GRIN2D: variants seen among roughly 807,000 people sequenced by gnomAD.
GRIN2D encodes the protein glutamate receptor ionotropic, NMDA 2D.
GRIN2D carries 37 observed loss-of-function variants against 103.2 expected under a neutral mutation model. That is an observed-to-expected ratio of 0.36 (90% confidence interval 0.28 to 0.47). The LOEUF is 0.47. GRIN2D is among the 20% of genes least tolerant of loss of function. GRIN2D has a pLI of 1.00. For missense variants in GRIN2D, 1,557 were observed against 1,910.6 expected (o/e 0.81, Z 3.45); for synonymous variants, 845 against 885.6 (o/e 0.95, Z 0.81).
chr19:48,415,995 A>C lies in GRIN2D; in HGVS notation c.1582-7A>C. 1 of 1,608,506 alleles carries C rather than the reference A, an allele frequency of 6.2e-7. No individual in the cohort carries two copies. The highest frequency in any genetic ancestry group is 8.5e-7 in the Non-Finnish European group (1 of 1,177,682). On this transcript the variant is annotated splice_polypyrimidine_tract_variant and splice_region_variant and intron_variant, in intron 7 of 13. Transcript: ENST00000263269. ...CCCCCGCCCACTCCTCATCGCCCCC[A>C]CCCCAGGTGTTCTACCAGCGCGCAG... is the stretch of plus-strand genomic sequence containing the variant.
intron 4 of GRIN2D, among the ~76,000 whole-genome samples, chr19:48,406,985 C>CTT (rs11372604): frequency 0.02 from 2,879 of 144,532 alleles, 104 homozygotes; most frequent in African/African-American, 0.065. Flanking sequence ...TTTCCTTTTT[C>CTT]TTTTTTTTTT....
Position 48,442,697 on chromosome 19 carries a change from G to C in GRIN2D, c.2771G>C (p.Arg924Pro). 3.4e-6 allele frequency: 4 copies of C among 1,172,950 alleles called. No individual in the cohort carries two copies. Among genetic ancestry groups the C allele is most frequent in the Non-Finnish European group, 4.2e-6 (4 of 952,594 alleles). The allele number at this position is 1,172,950 out of a possible 1,614,324, so 72.7% of individuals were successfully genotyped here. The part of the protein sequence containing the change: ...PLPSPAYPAP[R>P]PAPGPAPFVP... The stretch of plus-strand genomic sequence containing the variant: ...CCCAGCCCCGCGTACCCCGCGCCGC[G>C]GCCGGCTCCCGGGCCCGCACCTTTC... Residue 924 changes from arginine (R) to proline (P), a missense_variant, in exon 14 of 14, where the codon CGG becomes CCG. Arg to Pro is a moderately radical substitution (Grantham distance 103). This residue lies in a region of GRIN2D where 632 missense variants were observed against 572.8 expected (regional missense o/e 1.10). Coordinates refer to ENST00000263269, the MANE Select transcript of GRIN2D (RefSeq NM_000836.4). This position sits in a 1 kb window ranked among gnomAD's most constrained non-coding sequence, Gnocchi z 7.2.
chr19:48,401,591 G>C (rs1970711186), intron 3 of GRIN2D, among the ~76,000 whole-genome samples: 1 of 152,186 alleles, frequency 6.6e-6, no homozygotes, highest in African/African-American at 2.4e-5. Context: ...AGTGTGGCTG[G>C]AGCCCACTGG....
rs1321805855 is a variant in GRIN2D at position 48,404,948 on chromosome 19, C to T, written c.680C>T (p.Ala227Val). ...HRGALTLDPGAGEAVLSAQLR... is the reference protein window; with the variant it reads ...HRGALTLDPGVGEAVLSAQLR... ...GGAGCGCTGACGCTGGACCCTGGGGCGGGCGAGGCCGTGCTCAGTGCCCAG... is the reference window on the plus strand; with the variant it reads ...GGAGCGCTGACGCTGGACCCTGGGGTGGGCGAGGCCGTGCTCAGTGCCCAG... The change falls in exon 4 of 14, where the codon GCG becomes GTG. Residue 227 changes from alanine (A) to valine (V), a missense_variant. Coordinates refer to ENST00000263269, the MANE Select transcript of GRIN2D (RefSeq NM_000836.4). 1.9e-6 allele frequency: 3 copies of T among 1,612,290 alleles called. No homozygotes were observed. The highest frequency in any genetic ancestry group is 1.7e-6 in the Non-Finnish European group (2 of 1,179,496).
rs1303988486 is a variant in GRIN2D, at chr19:48,398,495, C to T, written c.103C>T (p.Pro35Ser). 7.9e-6 allele frequency: 8 copies of T among 1,012,400 alleles called. No individual in the cohort carries two copies. The East Asian group carries it at 3.9e-4, about 49-fold the overall frequency. The allele number at this position is 1,012,400 out of a possible 1,614,324, so 62.7% of individuals were successfully genotyped here. ...CCCGTTCCCGGAGGAGGCGCCGGGG[C>T]CGGGCGGGGCCGGTGGGCCCGGCGG... ...ASPFPEEAPG[P>S]GGAGGPGGGL... The change falls in exon 3 of 14, where the codon CCG becomes TCG. Residue 35 changes from proline (P) to serine (S), a missense_variant. By Grantham distance (74) the Pro-to-Ser change is moderately conservative. This residue lies in a region of GRIN2D where 490 missense variants were observed against 601.1 expected (regional missense o/e 0.82). Transcript: ENST00000263269.
At chr19:48,430,012 G>C (rs1456699893) in intron 11 of GRIN2D, among the ~76,000 whole-genome samples, 1 of 151,754 alleles carries the variant, frequency 6.6e-6, no homozygotes, top group Non-Finnish European at 1.5e-5. Context: ...TCAATTTTAG[G>C]CATTTTTCCA....
rs1301676777 is a variant in GRIN2D at position 48,442,103 on chromosome 19, C to T, written c.2441-47C>T. On this transcript the variant is annotated intron_variant, in intron 12 of 13. Transcript: ENST00000263269. The surrounding 1 kb of genome is among the most constrained non-coding windows in gnomAD (Gnocchi z 7.2). ...ACATTCCCACATCACAGACAAGGGT[C>T]CTCAGAGGGTACTCATAGCAGGTGA... 2 of 1,566,598 alleles carry T rather than the reference C, an allele frequency of 1.3e-6. No homozygotes were observed. Among genetic ancestry groups the T allele is most frequent in the Admixed American group, 3.3e-5 (2 of 59,896 alleles).
chr19:48,425,653 C>T (rs186063941), intron 11 of GRIN2D, among the ~76,000 whole-genome samples: 98 of 152,276 alleles, frequency 6.4e-4, no homozygotes, highest in Non-Finnish European at 1.3e-4. Flanking sequence ...AATCTGTCCC[C>T]GCCTTGAGTT....
At chr19:48,401,371 A>G (rs975094343) in intron 3 of GRIN2D, among the ~76,000 whole-genome samples, 7 of 152,198 alleles carry the variant, frequency 4.6e-5, no homozygotes, top group African/African-American at 1.7e-4. Context: ...GAGGAAATCA[A>G]CACAGGATGT....
intron 4 of GRIN2D, among the ~76,000 whole-genome samples, chr19:48,407,945 C>T (rs1487505001): frequency 2.6e-5 from 4 of 152,040 alleles, no homozygotes; most frequent in African/African-American, 9.7e-5. Context: ...CTCAGCATTT[C>T]GGGAGGCTGA....
At chr19:48,396,236 C>T (rs912871361) in intron 2 of GRIN2D, among the ~76,000 whole-genome samples, 1 of 151,824 alleles carries the variant, frequency 6.6e-6, no homozygotes, top group Non-Finnish European at 1.5e-5. Context: ...GGCGTGGGTT[C>T]TGGGGGTTGG....
At chr19:48,429,048 C>T (rs536414913) in intron 11 of GRIN2D, among the ~76,000 whole-genome samples, 1 of 152,314 alleles carries the variant, frequency 6.6e-6, no homozygotes, top group Admixed American at 6.5e-5. Context: ...CTTCATGATT[C>T]ACAAAGGACA....
intron 11 of GRIN2D, among the ~76,000 whole-genome samples, chr19:48,433,556 G>A (rs1034842250): frequency 2.6e-5 from 4 of 152,094 alleles, no homozygotes; most frequent in African/African-American, 4.8e-5. Context: ...TACCGCTTCC[G>A]GCAAGTAACC....
At chr19:48,420,377 G>T (rs906033714) in intron 10 of GRIN2D, among the ~76,000 whole-genome samples, 3 of 150,768 alleles carry the variant, frequency 2.0e-5, no homozygotes, top group African/African-American at 7.3e-5. Flanking sequence ...GCAGTGAGCC[G>T]AGATCGCCCC....
At chr19:48,412,726 T>C (rs1600977205) in intron 4 of GRIN2D, among the ~76,000 whole-genome samples, 1 of 146,828 alleles carries the variant, frequency 6.8e-6, no homozygotes, top group African/African-American at 2.5e-5. Flanking sequence ...GAGGCGGAGG[T>C]TGCAGTGAGC....
intron 3 of GRIN2D, 96 bp from the exon 4 acceptor site, chr19:48,404,638 C>G (rs1970760157): frequency 4.0e-6 from 5 of 1,241,266 alleles, no homozygotes; most frequent in Admixed American, 4.8e-5. Context: ...CCTGTCGAGT[C>G]AGTCTGCCAT....
At chr19:48,410,571 C>T (rs115491179) in intron 4 of GRIN2D, among the ~76,000 whole-genome samples, 2,068 of 135,400 alleles carry the variant, frequency 0.015, 51 homozygotes, top group African/African-American at 0.056. Context: ...GTGTGGGTGG[C>T]ACCAGGCCTT....
chr19:48,426,039 T>G (rs1435462393), intron 11 of GRIN2D, among the ~76,000 whole-genome samples: 1 of 152,172 alleles, frequency 6.6e-6, no homozygotes, highest in Non-Finnish European at 1.5e-5. Flanking sequence ...TCTGGCTTAT[T>G]TTCCTCAGTG....
At chr19:48,411,763 G>C (rs1345994071) in intron 4 of GRIN2D, among the ~76,000 whole-genome samples, 1 of 151,820 alleles carries the variant, frequency 6.6e-6, no homozygotes, top group Non-Finnish European at 1.5e-5. Context: ...GAAATCACTT[G>C]ACATGTTTGG....
Sources: allele counts gnomAD v4.1 joint callset (sites outside exome capture counted in the v4.1 genomes callset), GRCh38; gene constraint gnomAD v4.1.1; regional missense constraint gnomAD v4.1.1; non-coding constraint Gnocchi (gnomAD v3.1); transcripts MANE v1.5; gene names NCBI Gene and HGNC (gene_info 2026-07-23, HGNC 2026-07-21).